The following GDAP1 variants were observed in gnomAD, a reference collection of about 807,000 sequenced individuals.
The protein encoded by GDAP1 is ganglioside induced differentiation associated protein 1, also known as ganglioside-induced differentiation-associated protein 1.
GDAP1 carries 34 observed loss-of-function variants against 40.1 expected under a neutral mutation model. The observed-to-expected ratio is 0.85, with a 90% CI of 0.64 to 1.13. The LOEUF is 1.13. Ranked by LOEUF, GDAP1 falls within the 50% of genes most tolerant of loss-of-function variation. The pLI, the probability that GDAP1 is intolerant of heterozygous loss-of-function variation, is 0.00. For missense variants in GDAP1, 374 were observed against 433.7 expected (o/e 0.86, Z 1.22); for synonymous variants, 170 against 157.4 (o/e 1.08, Z -0.60).
At chr8:74,475,788 C>G (rs925462937) in intron 2 of GDAP1, among the ~76,000 whole-genome samples, 5 of 152,134 alleles carry the variant, frequency 3.3e-5, no homozygotes, top group African/African-American at 9.7e-5. Flanking sequence ...CTGTAGATGT[C>G]TATTAGATCC....
intron 2 of GDAP1, among the ~76,000 whole-genome samples, chr8:74,422,285 T>TTTC (rs1416353756): frequency 4.6e-5 from 4 of 87,738 alleles, no homozygotes; most frequent in South Asian, 4.2e-4. Context: ...TTCTTTTTTC[T>TTTC]TTTCTTTCTT....
chr8:74,396,697 C>A (rs372829423), intron 2 of GDAP1, among the ~76,000 whole-genome samples: 1 of 152,044 alleles, frequency 6.6e-6, no homozygotes, highest in African/African-American at 2.4e-5. Flanking sequence ...ATCGTTTTTT[C>A]TGGCTGCATA....
At chr8:74,479,584 G>A (rs1306102080) in intron 2 of GDAP1, among the ~76,000 whole-genome samples, 1 of 152,202 alleles carries the variant, frequency 6.6e-6, no homozygotes, top group Non-Finnish European at 1.5e-5. Context: ...TACCTGAAAT[G>A]TTAGTGGCTT....
At chr8:74,459,014 G>A (rs1280238580) in intron 2 of GDAP1, among the ~76,000 whole-genome samples, 2 of 152,152 alleles carry the variant, frequency 1.3e-5, no homozygotes, top group African/African-American at 2.4e-5. Context: ...AACTCACCCT[G>A]TTTCTGGTAA....
chr8:74,466,203 A>G (rs749847995), intron 2 of GDAP1, among the ~76,000 whole-genome samples: 4 of 152,218 alleles, frequency 2.6e-5, no homozygotes, highest in Non-Finnish European at 5.9e-5. Flanking sequence ...CCTTGTATCC[A>G]AAGGATATTG....
intron 4 of GDAP1, 132 bp downstream of exon 4, chr8:74,362,110 C>G (rs1336121694): frequency 1.5e-6 from 1 of 682,974 alleles, no homozygotes; most frequent in African/African-American, 1.8e-5. Context: ...TTACCTTTGG[C>G]TTATGTTCTC....
Position 74,364,952 on chromosome 8 carries a change from TATTAAGATGATTCCTTACC to T in GDAP1, c.*589_*607del. 1 of 454,150 alleles carries T rather than the reference TATTAAGATGATTCCTTACC, an allele frequency of 2.2e-6. No individual in the cohort carries two copies. The highest frequency in any genetic ancestry group is 1.6e-5 in the South Asian group (1 of 64,478). 28.1% of individuals were successfully genotyped at this position (454,150 alleles called of 1,614,324 possible). A position where few individuals can be genotyped will look rare whatever the true frequency, so the allele number is the denominator to read the frequency against. On this transcript the variant is annotated 3_prime_UTR_variant, in exon 6 of 6. Coordinates refer to ENST00000220822, the MANE Select transcript of GDAP1 (RefSeq NM_018972.4). Reference sequence around the variant, plus strand: ...GCATTTCTGTAAAAGTCTTAAGTGATATTAAGATGATTCCTTACCATTTCAGATGGTCCGCAATTTGAAT... The same window carrying T: ...GCATTTCTGTAAAAGTCTTAAGTGATATTTCAGATGGTCCGCAATTTGAAT...
chr8:74,370,933 A>G (rs573568172), downstream of GDAP1, among the ~76,000 whole-genome samples: 1 of 152,354 alleles, frequency 6.6e-6, no homozygotes, highest in South Asian at 2.1e-4. Flanking sequence ...ATAATCATAA[A>G]TACATATTCA....
chr8:74,439,714 A>G (rs1475486950), intron 2 of GDAP1, among the ~76,000 whole-genome samples: 1 of 151,894 alleles, frequency 6.6e-6, no homozygotes. Context: ...GAAAAATTCT[A>G]CCCATTATGT....
chr8:74,449,837 G>A (rs1257962426), intron 2 of GDAP1, among the ~76,000 whole-genome samples: 1 of 151,634 alleles, frequency 6.6e-6, no homozygotes, highest in Non-Finnish European at 1.5e-5. Flanking sequence ...ATTTCTTTAA[G>A]TTTCTGGTTT....
intron 2 of GDAP1, among the ~76,000 whole-genome samples, chr8:74,422,347 T>TC (rs1805882619): frequency 8.0e-4 from 33 of 41,112 alleles, no homozygotes; most frequent in East Asian, 6.5e-3. Flanking sequence ...CTTTCTTTCT[T>TC]TCTTCCCTTC....
At chr8:74,433,771 G>A (rs1263062517) in intron 2 of GDAP1, among the ~76,000 whole-genome samples, 2 of 152,152 alleles carry the variant, frequency 1.3e-5, no homozygotes, top group African/African-American at 2.4e-5. Context: ...AGAGAGTAGA[G>A]GCACTAGCCC....
chr8:74,486,829 A>G (rs1368519190), intron 2 of GDAP1, among the ~76,000 whole-genome samples: 2 of 152,206 alleles, frequency 1.3e-5, no homozygotes, highest in African/African-American at 2.4e-5. Context: ...ATACTAAAGT[A>G]TAGGTACAGA....
chr8:74,419,130 T>C (rs1162321034), intron 2 of GDAP1, among the ~76,000 whole-genome samples: 1 of 152,222 alleles, frequency 6.6e-6, no homozygotes, highest in Non-Finnish European at 1.5e-5. Flanking sequence ...CAGTTTCTTA[T>C]AGTTAAACCT....
At chr8:74,466,975 T>C (rs1187565898) in intron 2 of GDAP1, among the ~76,000 whole-genome samples, 1 of 152,224 alleles carries the variant, frequency 6.6e-6, no homozygotes, top group African/African-American at 2.4e-5. Flanking sequence ...TCACGGACTC[T>C]AATCCATAGC....
chr8:74,399,869 T>A (rs369343032), intron 2 of GDAP1, among the ~76,000 whole-genome samples: 2 of 142,750 alleles, frequency 1.4e-5, no homozygotes, highest in Non-Finnish European at 1.5e-5. Flanking sequence ...TTTGAGTGAG[T>A]TTCTTAATCC....
At chr8:74,468,107 T>TA (rs1485567187) in intron 2 of GDAP1, among the ~76,000 whole-genome samples, 3 of 152,082 alleles carry the variant, frequency 2.0e-5, no homozygotes, top group Admixed American at 6.5e-5. Flanking sequence ...CCTGTGGACT[T>TA]ACTGTTCTAT....
chr8:74,406,609 C>G (rs1189973240), intron 2 of GDAP1, among the ~76,000 whole-genome samples: 3 of 150,102 alleles, frequency 2.0e-5, no homozygotes, highest in Non-Finnish European at 4.4e-5. Flanking sequence ...TTAAGAAATC[C>G]TGCAATTATT....
intron 2 of GDAP1, among the ~76,000 whole-genome samples, chr8:74,440,479 C>T (rs1419693063): frequency 1.3e-5 from 2 of 152,064 alleles, no homozygotes; most frequent in Non-Finnish European, 2.9e-5. Context: ...GGATATCAGT[C>T]CTAATTCCTC....
Sources: allele counts gnomAD v4.1 joint callset (sites outside exome capture counted in the v4.1 genomes callset), GRCh38; gene constraint gnomAD v4.1.1; transcripts MANE v1.5; gene names NCBI Gene and HGNC (gene_info 2026-07-23, HGNC 2026-07-21).